RPS6KA3: variants seen among roughly 807,000 people sequenced by gnomAD.
The protein encoded by RPS6KA3 is ribosomal protein S6 kinase alpha-3.
In RPS6KA3, 4 loss-of-function variants were observed where a neutral mutation model predicts 67.2. That is an observed-to-expected ratio of 0.06 (90% CI 0.03 to 0.14). The LOEUF is 0.14. Among genes scored for constraint, RPS6KA3 ranks in the 10% least tolerant of loss-of-function variants. RPS6KA3 has a pLI of 1.00. For synonymous variants in RPS6KA3, 182 were observed against 183.7 expected (o/e 0.99, Z 0.07); for missense variants, 204 against 559.0 (o/e 0.36, Z 6.40).
intron 2 of RPS6KA3, among the ~76,000 whole-genome samples, chrX:20,210,364 T>A (rs941300179): frequency 1.8e-5 from 2 of 112,106 alleles, no homozygotes; most frequent in Non-Finnish European, 3.8e-5. Context: ...TATAATGTTA[T>A]TTTTTTCTAG....
intron 2 of RPS6KA3, among the ~76,000 whole-genome samples, chrX:20,214,504 C>T (rs769956889): frequency 8.9e-6 from 1 of 112,143 alleles, no homozygotes; most frequent in South Asian, 3.7e-4. Flanking sequence ...ATGGGTGATG[C>T]TAGTCTAGTC....
chrX:20,212,503 A>AAACAAC (rs745657445), intron 2 of RPS6KA3, among the ~76,000 whole-genome samples: 7 of 110,845 alleles, frequency 6.3e-5, no homozygotes, highest in African/African-American at 2.3e-4. Context: ...CACCATCTCA[A>AAACAAC]AACAACAACA....
chrX:20,167,287 G>C, intron 17 of RPS6KA3, among the ~76,000 whole-genome samples: 1 of 111,778 alleles, frequency 8.9e-6, no homozygotes, highest in Non-Finnish European at 1.9e-5. Context: ...CTTCTAACCT[G>C]AAGTGGGCCT....
intron 7 of RPS6KA3, among the ~76,000 whole-genome samples, chrX:20,191,829 C>T (rs111311470): frequency 0.029 from 3,246 of 110,592 alleles, 46 homozygotes; most frequent in Middle Eastern, 0.061. Context: ...TGCAATGGCG[C>T]GATCTCAGCT....
chrX:20,185,499 C>G (rs965354005), intron 10 of RPS6KA3, among the ~76,000 whole-genome samples: 3 of 111,040 alleles, frequency 2.7e-5, no homozygotes, highest in African/African-American at 9.8e-5. Flanking sequence ...TAGCCCCCAT[C>G]TGCCACCCCA....
chrX:20,226,393 C>T (rs190141022), intron 2 of RPS6KA3, among the ~76,000 whole-genome samples: 10 of 111,458 alleles, frequency 9.0e-5, no homozygotes, highest in East Asian at 2.8e-4. Context: ...GTCTGAGTGA[C>T]GGTATTTAAT....
At chrX:20,240,512 G>GA (rs1240792990) in intron 1 of RPS6KA3, 4 of 434,653 alleles carry the variant, frequency 9.2e-6, no homozygotes, top group African/African-American at 5.5e-5. Flanking sequence ...CAATCACAAT[G>GA]AAACAATAAG....
At chrX:20,171,495 C>T (rs968259520) in intron 15 of RPS6KA3, among the ~76,000 whole-genome samples, 4 of 111,547 alleles carry the variant, frequency 3.6e-5, no homozygotes, top group Non-Finnish European at 5.7e-5. Flanking sequence ...TGGGAGGGGT[C>T]GTTTTTGGCA....
At position 20,161,902 on chromosome X, in the gene RPS6KA3, A is replaced by T. The variant is rs769674154; in HGVS notation, c.1842-141T>A. On this transcript the variant is annotated intron_variant, in intron 19 of 21. Transcript: ENST00000379565. ...AAAATCAACAAAATGAAGCTCCATA[A>T]GGCACCAGGTAAAGTATAGGTTATA... 1.1e-3 allele frequency: 164 copies of T among 145,440 alleles called. 1 individual carries two copies. The highest frequency in any genetic ancestry group is 5.0e-3 in the African/African-American group (155 of 31,269). The allele number at this position is 145,440 out of a possible 1,213,427, so 12.0% of individuals were successfully genotyped here.
Position 20,162,975 on chromosome X carries a change from T to G in RPS6KA3, c.1830A>C (p.Thr610=). The G allele has an allele frequency of 8.6e-7, 1 of 1,168,589 alleles. No individual in the cohort carries two copies. Among genetic ancestry groups the G allele is most frequent in the East Asian group, 3.0e-5 (1 of 33,702 alleles). Residue 610 remains threonine, a synonymous_variant, in exon 19 of 22, where the codon ACA becomes ACC. Coordinates refer to ENST00000379565, the MANE Select transcript of RPS6KA3 (RefSeq NM_004586.3). ...TGGTATACACTCACCCGGTAAGCATTGTATAGAGTAGGACACCAAGACTCC... is the reference window on the plus strand; with the variant it reads ...TGGTATACACTCACCCGGTAAGCATGGTATAGAGTAGGACACCAAGACTCC... ...DIWSLGVLLY[T]MLTGYTPFAN... is the part of the protein sequence containing the mutation.
intron 17 of RPS6KA3, among the ~76,000 whole-genome samples, chrX:20,166,832 C>T (rs1205703244): frequency 1.8e-5 from 2 of 108,325 alleles, no homozygotes; most frequent in African/African-American, 6.8e-5. Flanking sequence ...ATTCTCCTGC[C>T]TCAGCCTTCT....
At chrX:20,216,565 A>T (rs769585523) in intron 2 of RPS6KA3, among the ~76,000 whole-genome samples, 1 of 110,224 alleles carries the variant, frequency 9.1e-6, no homozygotes, top group East Asian at 2.8e-4. Flanking sequence ...TAAAGAGATG[A>T]GAATAGCAGA....
intron 4 of RPS6KA3, among the ~76,000 whole-genome samples, chrX:20,202,829 T>C (rs1484870790): frequency 8.9e-6 from 1 of 112,340 alleles, no homozygotes; most frequent in Non-Finnish European, 1.9e-5. Context: ...CTTTGTAACA[T>C]GGGATTCATG....
chrX:20,182,335 C>A (rs1444027784), intron 10 of RPS6KA3, among the ~76,000 whole-genome samples: 1 of 111,878 alleles, frequency 8.9e-6, no homozygotes, highest in Non-Finnish European at 1.9e-5. Context: ...TTCCTTAGCT[C>A]CACATTCTTG....
chrX:20,232,120 A>G (rs2069281830), intron 2 of RPS6KA3, among the ~76,000 whole-genome samples: 1 of 112,424 alleles, frequency 8.9e-6, no homozygotes, highest in South Asian at 3.6e-4. Flanking sequence ...ACCAGGTACT[A>G]AATTCCAAGT....
intron 1 of RPS6KA3, among the ~76,000 whole-genome samples, chrX:20,244,464 G>A (rs1468526099): frequency 8.9e-6 from 1 of 112,341 alleles, no homozygotes; most frequent in Non-Finnish European, 1.9e-5. Context: ...TTTATTCATT[G>A]CCTATTTTGT....
At chrX:20,223,946 T>C (rs1453424274) in intron 2 of RPS6KA3, among the ~76,000 whole-genome samples, 1 of 111,977 alleles carries the variant, frequency 8.9e-6, no homozygotes, top group Non-Finnish European at 1.9e-5. Context: ...TTTTTTCTAG[T>C]TTCCTTCACT....
rs6633335 is a variant in RPS6KA3 at position 20,196,724 on chromosome X, A to C, written c.326-1579T>G. ...CAGAAATAGGAATCAATTGCTCTTG[A>C]TGTCTACGCAGCTCTTTTAACTGAC... On this transcript the variant is annotated intron_variant, in intron 4 of 21. Coordinates refer to ENST00000379565, the MANE Select transcript of RPS6KA3 (RefSeq NM_004586.3). Among the ~76,000 whole-genome samples, 674 of 112,135 alleles carry C rather than the reference A, an allele frequency of 6.0e-3. 39 individuals are homozygous for C. The East Asian group carries it at 0.17, about 28-fold the overall frequency.
intron 1 of RPS6KA3, among the ~76,000 whole-genome samples, chrX:20,256,518 T>C (rs1484849072): frequency 8.9e-6 from 1 of 111,822 alleles, no homozygotes; most frequent in African/African-American, 3.3e-5. Flanking sequence ...CCCCCCTTTT[T>C]CCAAGTACTG....
Sources: allele counts gnomAD v4.1 joint callset (sites outside exome capture counted in the v4.1 genomes callset), GRCh38; gene constraint gnomAD v4.1.1; transcripts MANE v1.5; gene names NCBI Gene and HGNC (gene_info 2026-07-23, HGNC 2026-07-21).